UTRN: variants seen among roughly 807,000 people sequenced by gnomAD.
UTRN encodes dystrophin-related protein 1.
Under a neutral mutation model 463.9 loss-of-function variants are expected in UTRN, and 283 were observed. The ratio of observed to expected loss-of-function variants is 0.61; its 90% CI spans 0.55 to 0.67. The LOEUF (loss-of-function observed/expected upper bound fraction) is 0.67, where lower values mean the gene tolerates loss of function less well. Among genes scored for constraint, UTRN ranks in the 30% least tolerant of loss-of-function variants. The pLI is 0.00. For missense variants in UTRN, 3,922 were observed against 4,084.3 expected (o/e 0.96, Z 1.08); for synonymous variants, 1,442 against 1,431.5 (o/e 1.01, Z -0.17).
chr6:144,325,889 T>G (rs1041385666), intron 2 of UTRN, among the ~76,000 whole-genome samples: 1 of 151,376 alleles, frequency 6.6e-6, no homozygotes, highest in African/African-American at 2.4e-5. Flanking sequence ...AAAAAAAAAA[T>G]CAGAGAATAA....
At chr6:144,296,561 G>A (rs924280386) in intron 2 of UTRN, among the ~76,000 whole-genome samples, 1 of 152,182 alleles carries the variant, frequency 6.6e-6, no homozygotes, top group African/African-American at 2.4e-5. Context: ...AATGATAAAG[G>A]CTACAGAGTC....
intron 69 of UTRN, among the ~76,000 whole-genome samples, chr6:144,833,411 A>T (rs1427511947): frequency 6.6e-6 from 1 of 152,080 alleles, no homozygotes; most frequent in Non-Finnish European, 1.5e-5. Flanking sequence ...TTTTATTTTG[A>T]TTTCTGGCAG....
chr6:144,590,505 A>T (rs1007922972), intron 51 of UTRN, among the ~76,000 whole-genome samples: 1 of 152,216 alleles, frequency 6.6e-6, no homozygotes, highest in African/African-American at 2.4e-5. Flanking sequence ...CAACTAACTT[A>T]ACAGACTGAG....
chr6:144,358,275 C>T (rs1178852834), intron 2 of UTRN, among the ~76,000 whole-genome samples: 2 of 152,164 alleles, frequency 1.3e-5, no homozygotes, highest in African/African-American at 4.8e-5. Flanking sequence ...AACTATGTGA[C>T]AGTCTAAATT....
chr6:144,534,773 A>G (rs748830818), intron 43 of UTRN, among the ~76,000 whole-genome samples: 4 of 152,224 alleles, frequency 2.6e-5, no homozygotes, highest in Non-Finnish European at 4.4e-5. Context: ...ATAAAGTGTC[A>G]CAGAGGCAGA....
chr6:144,460,197 A>C (rs1789271156), intron 21 of UTRN, among the ~76,000 whole-genome samples: 1 of 152,092 alleles, frequency 6.6e-6, no homozygotes, highest in Admixed American at 6.5e-5. Flanking sequence ...AAAATTTTAG[A>C]GTTCTTACTT....
intron 23 of UTRN, among the ~76,000 whole-genome samples, chr6:144,470,241 C>T (rs541056870): frequency 0.039 from 5,985 of 152,254 alleles, 152 homozygotes; most frequent in Non-Finnish European, 0.06. Context: ...GGGTGGCGGC[C>T]GGGCAGAGGG....
At chr6:144,611,265 C>T (rs1246196559) in intron 51 of UTRN, among the ~76,000 whole-genome samples, 2 of 152,184 alleles carry the variant, frequency 1.3e-5, no homozygotes, top group African/African-American at 4.8e-5. Flanking sequence ...ACATCATTCC[C>T]AGTGGTAAAA....
chr6:144,685,624 G>A (rs370117730), intron 52 of UTRN, among the ~76,000 whole-genome samples: 13 of 152,222 alleles, frequency 8.5e-5, no homozygotes, highest in African/African-American at 3.1e-4. Flanking sequence ...GTGATATTGA[G>A]TGTTTCTTCA....
At chr6:144,819,108 G>A (rs935001807) in intron 65 of UTRN, among the ~76,000 whole-genome samples, 3 of 152,124 alleles carry the variant, frequency 2.0e-5, no homozygotes, top group Non-Finnish European at 2.9e-5. Flanking sequence ...AGGAAAAGAT[G>A]GGTCATTGTG....
chr6:144,645,669 G>A (rs1318642712), intron 51 of UTRN, among the ~76,000 whole-genome samples: 1 of 152,188 alleles, frequency 6.6e-6, no homozygotes, highest in Non-Finnish European at 1.5e-5. Flanking sequence ...CCTTAAAGGT[G>A]ATGATCAAGA....
intron 41 of UTRN, among the ~76,000 whole-genome samples, chr6:144,526,440 T>C (rs1796574428): frequency 6.6e-6 from 1 of 152,212 alleles, no homozygotes; most frequent in Admixed American, 6.5e-5. Context: ...AATGTCCTTC[T>C]TTGTCTTTTT....
chr6:144,584,916 T>A (rs1802316047), intron 51 of UTRN, among the ~76,000 whole-genome samples: 2 of 152,092 alleles, frequency 1.3e-5, no homozygotes, highest in South Asian at 4.1e-4. Flanking sequence ...ATTTTGATAA[T>A]AGATAAGAAA....
chr6:144,516,294 G>A lies in UTRN; in HGVS notation c.5310G>A (p.Val1770=), dbSNP rs760108961. ...CCACTGAAACATTTGAAACTGGTGTGCCTTTCTCTGACTTGGAAAAATTAG... is the reference window on the plus strand; with the variant it reads ...CCACTGAAACATTTGAAACTGGTGTACCTTTCTCTGACTTGGAAAAATTAG... The part of the protein sequence containing the change: ...LVTTETFETG[V]PFSDLEKLEN... Residue 1770 remains valine (V), a synonymous_variant, in exon 38 of 75, where the codon GTG becomes GTA. Transcript: ENST00000367545. The A allele has an allele frequency of 1.2e-6, 2 of 1,613,844 alleles. No homozygotes were observed. The highest frequency in any genetic ancestry group is 1.7e-6 in the Non-Finnish European group (2 of 1,179,942).
chr6:144,732,674 TTA>T, intron 54 of UTRN, among the ~76,000 whole-genome samples: 1 of 147,664 alleles, frequency 6.8e-6, no homozygotes, highest in Non-Finnish European at 1.5e-5. Flanking sequence ...TTATGTTATG[TTA>T]TGTTATGTTA....
intron 53 of UTRN, among the ~76,000 whole-genome samples, chr6:144,710,990 T>G (rs1785628106): frequency 6.6e-6 from 1 of 152,120 alleles, no homozygotes; most frequent in Non-Finnish European, 1.5e-5. Context: ...AATTGCTACT[T>G]AAAAAATATG....
intron 1 of UTRN, among the ~76,000 whole-genome samples, chr6:144,290,350 C>T (rs541387304): frequency 6.6e-6 from 1 of 152,180 alleles, no homozygotes; most frequent in African/African-American, 2.4e-5. Flanking sequence ...AAAGCTCCCC[C>T]TCTCCCAGGT....
chr6:144,793,820 G>C lies in UTRN; in HGVS notation c.8921-14G>C. 1 of 1,611,720 alleles carries C rather than the reference G, an allele frequency of 6.2e-7. No individual in the cohort carries two copies. The highest frequency in any genetic ancestry group is 8.5e-7 in the Non-Finnish European group (1 of 1,178,754). ...GTAGACAGATGAAAGTTAACCTCTT[G>C]CCTCTCTTTGCAGATCTCTTTAAGG... On this transcript the variant is annotated splice_polypyrimidine_tract_variant and intron_variant, in intron 62 of 74. Transcript: ENST00000367545.
At chr6:144,693,875 GC>G (rs1176001249) in intron 52 of UTRN, among the ~76,000 whole-genome samples, 1 of 152,100 alleles carries the variant, frequency 6.6e-6, no homozygotes, top group Non-Finnish European at 1.5e-5. Flanking sequence ...CTATTTGGTA[GC>G]CCTTTATTTC....
Sources: allele counts gnomAD v4.1 joint callset (sites outside exome capture counted in the v4.1 genomes callset), GRCh38; gene constraint gnomAD v4.1.1; transcripts MANE v1.5; gene names NCBI Gene and HGNC (gene_info 2026-07-23, HGNC 2026-07-21).